The following DLG5 variants were observed in gnomAD, a reference collection of about 807,000 sequenced individuals.
DLG5 encodes the protein disks large homolog 5.
A neutral mutation model predicts 189.8 loss-of-function variants in DLG5; 48 were observed. The ratio of observed to expected loss-of-function variants is 0.25; its 90% CI spans 0.20 to 0.32. DLG5 has a LOEUF of 0.32. Ranked by LOEUF, DLG5 falls within the 10% of genes least tolerant of loss-of-function variation. The pLI is 1.00. For missense variants in DLG5, 2,160 were observed against 2,544.7 expected (o/e 0.85, Z 3.25); for synonymous variants, 1,016 against 1,054.1 (o/e 0.96, Z 0.70).
chr10:77,885,675 T>C (rs1418896208), intron 1 of DLG5, among the ~76,000 whole-genome samples: 1 of 152,136 alleles, frequency 6.6e-6, no homozygotes, highest in African/African-American at 2.4e-5. Flanking sequence ...TGCTCTACTC[T>C]CCCTGCCCCC....
intron 1 of DLG5, among the ~76,000 whole-genome samples, chr10:77,903,256 C>T (rs755649077): frequency 2.6e-5 from 4 of 151,946 alleles, no homozygotes; most frequent in Admixed American, 6.6e-5. Flanking sequence ...GGAGAACCCC[C>T]GTCTCTACTA....
intron 2 of DLG5, among the ~76,000 whole-genome samples, chr10:77,867,309 T>C (rs551680796): frequency 5.3e-5 from 8 of 152,314 alleles, no homozygotes; most frequent in South Asian, 4.1e-4. Context: ...GATTTAACCC[T>C]TGAAATGCCG....
Position 77,819,991 on chromosome 10 carries a change from C to T in DLG5, c.3430G>A (p.Glu1144Lys). ...CACTCCTGGAGCTCCGGGGAGAGTT[C>T]TCCACTGGCCGGGACACACTTCTGT... ...EEQKCVPASG[E>K]LSPELQEWAP... is the part of the protein sequence containing the mutation. Residue 1144 changes from glutamate to lysine, a missense_variant, in exon 16 of 32, where the codon GAA becomes AAA. Transcript: ENST00000372391. 6.2e-7 allele frequency: 1 copy of T among 1,613,488 alleles called. No homozygotes were observed. The highest frequency in any genetic ancestry group is 8.5e-7 in the Non-Finnish European group (1 of 1,179,900).
At chr10:77,817,619 T>G (rs556481980) in intron 18 of DLG5, among the ~76,000 whole-genome samples, 158 bp downstream of exon 18, 1 of 152,200 alleles carries the variant, frequency 6.6e-6, no homozygotes, top group African/African-American at 2.4e-5. Context: ...GGCTGGCCCA[T>G]GAAGGAAGCA....
intron 24 of DLG5, 110 bp from the exon 25 acceptor site, chr10:77,808,054 A>C: frequency 2.3e-6 from 3 of 1,325,328 alleles, no homozygotes; most frequent in Non-Finnish European, 3.1e-6. Flanking sequence ...TCCCTCCTTA[A>C]CTGAGACTCT....
intron 1 of DLG5, among the ~76,000 whole-genome samples, chr10:77,920,249 T>C (rs577607914): frequency 6.6e-6 from 1 of 152,318 alleles, no homozygotes; most frequent in African/African-American, 2.4e-5. Flanking sequence ...GATTGTCAAA[T>C]AGCACAGTGA....
At chr10:77,809,359 T>C (rs1841641503) in intron 24 of DLG5, among the ~76,000 whole-genome samples, 188 bp downstream of exon 24, 2 of 152,180 alleles carry the variant, frequency 1.3e-5, no homozygotes, top group Admixed American at 6.5e-5. Context: ...TGAGCTGAGA[T>C]TGTGCCAGTG....
At chr10:77,911,073 T>C (rs2131835272) in intron 1 of DLG5, among the ~76,000 whole-genome samples, 1 of 151,416 alleles carries the variant, frequency 6.6e-6, no homozygotes, top group East Asian at 1.9e-4. Context: ...AGAATAGAGG[T>C]TACCATGAAT....
intron 1 of DLG5, among the ~76,000 whole-genome samples, chr10:77,905,160 T>C (rs1451071164): frequency 1.3e-5 from 2 of 151,446 alleles, no homozygotes; most frequent in Admixed American, 1.3e-4. Context: ...CCTGGCTCCT[T>C]GTCATTTTTA....
At chr10:77,800,238 G>A (rs536370450) in intron 27 of DLG5, among the ~76,000 whole-genome samples, 1 of 152,326 alleles carries the variant, frequency 6.6e-6, no homozygotes, top group Admixed American at 6.5e-5. Context: ...GGAACAGCTT[G>A]CAGCATCCCT....
intron 20 of DLG5, among the ~76,000 whole-genome samples, chr10:77,815,384 G>A (rs116955262): frequency 0.034 from 5,203 of 152,308 alleles, 146 homozygotes; most frequent in East Asian, 0.18. Flanking sequence ...CTCTGGCTGG[G>A]CACGGTGGCT....
chr10:77,807,067 G>A (rs1041922368), intron 25 of DLG5, 139 bp from the exon 26 acceptor site: 12 of 948,990 alleles, frequency 1.3e-5, no homozygotes, highest in Non-Finnish European at 1.8e-5. Context: ...CGCCGAGGGT[G>A]GTGATTCTCA....
intron 1 of DLG5, among the ~76,000 whole-genome samples, chr10:77,909,848 A>G (rs367969805): frequency 2.0e-5 from 3 of 152,228 alleles, no homozygotes; most frequent in African/African-American, 7.2e-5. Flanking sequence ...ATTGGCTATC[A>G]GGGTGGGTCC....
intron 1 of DLG5, among the ~76,000 whole-genome samples, chr10:77,878,415 T>C (rs989425619): frequency 1.3e-5 from 2 of 152,180 alleles, no homozygotes; most frequent in Non-Finnish European, 2.9e-5. Flanking sequence ...CCAGCTCTCG[T>C]TACTGTTACC....
At position 77,822,036 on chromosome 10, in the gene DLG5, C is replaced by A; in HGVS notation, c.2448G>T (p.Lys816Asn). The A allele has an allele frequency of 6.2e-7, 1 of 1,614,134 alleles. No individual in the cohort carries two copies. The highest frequency in any genetic ancestry group is 8.5e-7 in the Non-Finnish European group (1 of 1,179,962). Residue 816 changes from lysine (K) to asparagine (N), a missense_variant, in exon 15 of 32, where the codon AAG becomes AAT. Physicochemically the swap from Lys to Asn is moderately conservative, Grantham distance 94 (BLOSUM62 0). Transcript: ENST00000372391. ...GGCCATGGGCTCGAAAACTCAGCAT[C>A]TTATCAGAGTCTTTGATATTTTCAA... ...NIFENIKDSD[K>N]MLSFRAHGPE...
the DLG5 span, among the ~76,000 whole-genome samples, chr10:77,935,099 G>A: frequency 3.9e-5 from 6 of 151,902 alleles, no homozygotes; most frequent in African/African-American, 7.3e-5. Flanking sequence ...CTCGTGATCC[G>A]CCCGCCTCGG....
chr10:77,855,729 C>T (rs757065883), intron 3 of DLG5, among the ~76,000 whole-genome samples: 1 of 152,222 alleles, frequency 6.6e-6, no homozygotes, highest in African/African-American at 2.4e-5. Context: ...GGATCAGGCT[C>T]TGCAGCTCTG....
chr10:77,857,796 C>T (rs1844308789), intron 2 of DLG5, among the ~76,000 whole-genome samples: 1 of 152,182 alleles, frequency 6.6e-6, no homozygotes, highest in Non-Finnish European at 1.5e-5. Context: ...CCCTTAGAGA[C>T]CCTTGTTGGG....
rs1297890527 is a variant in DLG5, at chr10:77,820,214, T to C, written c.3403-196A>G. On this transcript the variant is annotated intron_variant, in intron 15 of 31. Coordinates refer to ENST00000372391, the MANE Select transcript of DLG5 (RefSeq NM_004747.4). ...TACAAAAATTAGCTGGGCATGGTAG[T>C]GGGTGCCTGTAATCCCAGCTACTTG... 4 of 630,948 alleles carry C rather than the reference T, an allele frequency of 6.3e-6. No individual in the cohort carries two copies. The East Asian group carries it at 1.4e-4, about 22-fold the overall frequency. 39.1% of individuals were successfully genotyped at this position (630,948 alleles called of 1,614,324 possible).
Sources: gnomAD v4.1 joint callset for allele counts (sites outside exome capture counted in the v4.1 genomes callset) on GRCh38, gnomAD v4.1.1 for gene constraint, MANE v1.5 for transcripts, NCBI Gene and HGNC (gene_info 2026-07-23, HGNC 2026-07-21) for gene names.